Variants in TNNI3K observed in about 807,000 individuals in gnomAD.
TNNI3K encodes the protein TNNI3 interacting kinase.
In TNNI3K, 140 loss-of-function variants were observed where a neutral mutation model predicts 114.5. That is an observed-to-expected ratio of 1.22 (90% CI 1.07 to 1.41). TNNI3K has a LOEUF of 1.41. TNNI3K is among the 40% of genes most tolerant of loss of function. The pLI is 0.00. For missense variants in TNNI3K, 1,125 were observed against 1,007.6 expected (o/e 1.12, Z -1.58); for synonymous variants, 347 against 347.5 (o/e 1.00, Z 0.02).
At chr1:74,484,109 C>G (rs1668634578) in intron 21 of TNNI3K, among the ~76,000 whole-genome samples, 1 of 150,936 alleles carries the variant, frequency 6.6e-6, no homozygotes, top group Admixed American at 6.6e-5. Flanking sequence ...TTAAACTTTA[C>G]CTTTATTTTA....
At chr1:74,471,919 G>C in intron 21 of TNNI3K, 1 of 495,368 alleles carries the variant, frequency 2.0e-6, no homozygotes, top group Non-Finnish European at 3.6e-6. Context: ...AGAATTGTTT[G>C]GCTGAAAATA....
At chr1:74,404,741 C>A (rs1664533383) in intron 17 of TNNI3K, among the ~76,000 whole-genome samples, 1 of 152,164 alleles carries the variant, frequency 6.6e-6, no homozygotes, top group South Asian at 2.1e-4. Context: ...TATGCTTCAT[C>A]CTCTTTATGA....
chr1:74,541,446 A>T (rs905722094), intron 24 of TNNI3K: 3 of 152,196 alleles, frequency 2.0e-5, no homozygotes, highest in African/African-American at 7.2e-5. Flanking sequence ...CAGTCCAGTA[A>T]CAGATCCTTT....
chr1:74,246,255 T>C (rs1050713404), intron 2 of TNNI3K, among the ~76,000 whole-genome samples: 3 of 152,232 alleles, frequency 2.0e-5, no homozygotes, highest in South Asian at 2.1e-4. Flanking sequence ...AAGCCAAATA[T>C]ATTATGGATG....
intron 2 of TNNI3K, among the ~76,000 whole-genome samples, chr1:74,242,519 G>GGA (rs1456385768): frequency 6.6e-6 from 1 of 152,064 alleles, no homozygotes; most frequent in African/African-American, 2.4e-5. Context: ...TTTTCAAGCT[G>GGA]ATCTTATTTA....
At chr1:74,493,775 T>A (rs139800138) in intron 23 of TNNI3K, among the ~76,000 whole-genome samples, 1 of 152,310 alleles carries the variant, frequency 6.6e-6, no homozygotes, top group African/African-American at 2.4e-5. Flanking sequence ...CAAAGGCTAG[T>A]AACTCAAGAG....
Position 74,522,120 on chromosome 1 carries a change from TA to T in TNNI3K, c.2352-18106del, listed in dbSNP as rs138180951. On this transcript the variant is annotated intron_variant, in intron 23 of 24. Transcript: ENST00000326637. ...TTCGCTGGCCAGGGATTGTTCTTTT[TA>T]AAAAAAATCTGGTTCAGGCACTATT... Among the ~76,000 whole-genome samples the T allele has an allele frequency of 1.4e-3, 213 of 152,156 alleles. 1 individual carries two copies. The highest frequency in any genetic ancestry group is 1.9e-3 in the Non-Finnish European group (132 of 67,994).
intron 20 of TNNI3K, among the ~76,000 whole-genome samples, chr1:74,460,330 T>A (rs146699956): frequency 2.3e-3 from 343 of 152,276 alleles, no homozygotes; most frequent in Non-Finnish European, 3.8e-3. Flanking sequence ...CCTCCCAAAG[T>A]GCTGGGATTA....
At chr1:74,435,740 T>C (rs1666092659) in intron 17 of TNNI3K, among the ~76,000 whole-genome samples, 1 of 151,982 alleles carries the variant, frequency 6.6e-6, no homozygotes, top group Admixed American at 6.6e-5. Context: ...ATGATGCTTT[T>C]CACTCTTTCC....
In TNNI3K at chr1:74,355,396, G is replaced by A. The variant is rs535955777; in HGVS notation, c.1177+1267G>A. Among the ~76,000 whole-genome samples the A allele has an allele frequency of 1.2e-3, 183 of 152,228 alleles. 6 individuals carry two copies. Among genetic ancestry groups the A allele is most frequent in the Non-Finnish European group, 1.2e-3 (84 of 68,022 alleles). On this transcript the variant is annotated intron_variant, in intron 11 of 24. Transcript: ENST00000326637. ...CATGGTGGGCAGATCACAAGGTCAG[G>A]AGTTCAAGACCAGCCTGGCCAACAT...
At chr1:74,526,290 A>G (rs1179836510) in intron 23 of TNNI3K, among the ~76,000 whole-genome samples, 1 of 152,094 alleles carries the variant, frequency 6.6e-6, no homozygotes, top group African/African-American at 2.4e-5. Flanking sequence ...TCAATCCAAA[A>G]GGGGAAAAGA....
At chr1:74,335,598 G>T (rs1372197165) in intron 6 of TNNI3K, among the ~76,000 whole-genome samples, 2 of 152,168 alleles carry the variant, frequency 1.3e-5, no homozygotes, top group African/African-American at 4.8e-5. Context: ...GGTTTAGAAA[G>T]TTGCAAATGA....
At chr1:74,499,092 C>T (rs1038884583) in intron 23 of TNNI3K, among the ~76,000 whole-genome samples, 2 of 152,016 alleles carry the variant, frequency 1.3e-5, no homozygotes, top group Non-Finnish European at 2.9e-5. Context: ...CAGAAACATC[C>T]CAGGAATGCA....
At chr1:74,375,694 A>G in intron 17 of TNNI3K, 1 of 438,096 alleles carries the variant, frequency 2.3e-6, no homozygotes, top group South Asian at 1.6e-5. Flanking sequence ...TCTCCAACCC[A>G]ACCAATCAGC....
chr1:74,480,246 A>C (rs1668415386), intron 21 of TNNI3K: 1 of 717,394 alleles, frequency 1.4e-6, no homozygotes, highest in African/African-American at 1.7e-5. Context: ...GGAGCTTTGG[A>C]ATCACAGTTG....
chr1:74,467,250 T>G (rs1434050485), intron 21 of TNNI3K, among the ~76,000 whole-genome samples: 1 of 152,212 alleles, frequency 6.6e-6, no homozygotes, highest in African/African-American at 2.4e-5. Context: ...GTATCAGGCA[T>G]TATTTGAAAC....
intron 17 of TNNI3K, among the ~76,000 whole-genome samples, chr1:74,383,395 C>T (rs912319379): frequency 4.6e-5 from 7 of 152,128 alleles, no homozygotes; most frequent in Non-Finnish European, 1.0e-4. Context: ...GCTCTTAATA[C>T]ATGCTATTCC....
chr1:74,503,353 C>T (rs1669730742), intron 23 of TNNI3K, among the ~76,000 whole-genome samples: 1 of 152,186 alleles, frequency 6.6e-6, no homozygotes, highest in South Asian at 2.1e-4. Context: ...TTATATTTTA[C>T]TTATTCAAAG....
At chr1:74,498,176 T>C (rs1231924825) in intron 23 of TNNI3K, among the ~76,000 whole-genome samples, 2 of 152,238 alleles carry the variant, frequency 1.3e-5, no homozygotes, top group Non-Finnish European at 2.9e-5. Context: ...GAAGTTCCAC[T>C]AGTTCCCATA....
Sources: gnomAD v4.1 joint callset for allele counts (sites outside exome capture counted in the v4.1 genomes callset) on GRCh38, gnomAD v4.1.1 for gene constraint, MANE v1.5 for transcripts, NCBI Gene and HGNC (gene_info 2026-07-23, HGNC 2026-07-21) for gene names.